The following PDE1C variants were observed in gnomAD, a reference collection of about 807,000 sequenced individuals.
PDE1C encodes phosphodiesterase 1C.
PDE1C carries 62 observed loss-of-function variants against 93.1 expected under a neutral mutation model. The ratio of observed to expected loss-of-function variants is 0.67; its 90% CI spans 0.54 to 0.82. The LOEUF is 0.82. Ranked by LOEUF, PDE1C falls within the 40% of genes least tolerant of loss-of-function variation. The pLI is 0.00. For missense variants in PDE1C, 742 were observed against 884.6 expected (o/e 0.84, Z 2.04); for synonymous variants, 325 against 310.1 (o/e 1.05, Z -0.50).
the PDE1C span, among the ~76,000 whole-genome samples, chr7:31,731,654 C>T: frequency 6.6e-6 from 1 of 152,208 alleles, no homozygotes; most frequent in African/African-American, 2.4e-5. Context: ...TCCCAAAGTA[C>T]TGAGATGACA....
chr7:32,383,458 G>C (rs1390478281), intron 1 of PDE1C, among the ~76,000 whole-genome samples: 4 of 152,088 alleles, frequency 2.6e-5, no homozygotes, highest in Non-Finnish European at 5.9e-5. Context: ...CCACTAATGA[G>C]GTCTCTTCTA....
intron 2 of PDE1C, among the ~76,000 whole-genome samples, chr7:31,955,422 C>G (rs1807992074): frequency 6.6e-6 from 1 of 152,056 alleles, no homozygotes; most frequent in Admixed American, 6.6e-5. Context: ...AAGTTACCCT[C>G]AAATCAAAAC....
intron 2 of PDE1C, among the ~76,000 whole-genome samples, chr7:32,013,344 T>C (rs1348318623): frequency 2.0e-5 from 3 of 152,158 alleles, no homozygotes; most frequent in Admixed American, 6.5e-5. Flanking sequence ...AAAGAAATAG[T>C]ACTTGAACAT....
At chr7:32,044,091 T>A (rs115388105) in intron 2 of PDE1C, among the ~76,000 whole-genome samples, 1,730 of 152,216 alleles carry the variant, frequency 0.011, 44 homozygotes, top group African/African-American at 0.039. Flanking sequence ...CTTAAAAAAA[T>A]CAGTGATGCC....
chr7:32,268,549 T>C (rs772490505), intron 1 of PDE1C, among the ~76,000 whole-genome samples: 29 of 152,278 alleles, frequency 1.9e-4, no homozygotes, highest in Middle Eastern at 3.4e-3. Context: ...CAATAAATAT[T>C]TGTTAACTGA....
chr7:32,420,128 C>T (rs4723156), intron 1 of PDE1C, among the ~76,000 whole-genome samples: 996 of 9,422 alleles, frequency 0.11, 101 homozygotes, highest in Non-Finnish European at 0.14. Flanking sequence ...TATATATACA[C>T]ACACACACAC....
At chr7:31,725,092 C>G in the PDE1C span, among the ~76,000 whole-genome samples, 3 of 152,132 alleles carry the variant, frequency 2.0e-5, no homozygotes, top group Admixed American at 6.5e-5. Flanking sequence ...AAAGTGTAAG[C>G]CTTGCCACCC....
At chr7:32,217,641 G>T (rs1248996334) in intron 1 of PDE1C, among the ~76,000 whole-genome samples, 1 of 152,220 alleles carries the variant, frequency 6.6e-6, no homozygotes, top group Non-Finnish European at 1.5e-5. Flanking sequence ...GCCTGCCATG[G>T]TTGGGGTTGG....
chr7:32,293,127 A>G (rs1354823713), intron 1 of PDE1C, among the ~76,000 whole-genome samples: 1 of 152,060 alleles, frequency 6.6e-6, no homozygotes, highest in African/African-American at 2.4e-5. Context: ...TTGAACAGAC[A>G]CCCACAGGGT....
At chr7:32,137,543 A>G (rs559638230) in intron 3 of PDE1C, among the ~76,000 whole-genome samples, 2 of 152,360 alleles carry the variant, frequency 1.3e-5, no homozygotes, top group East Asian at 1.9e-4. Flanking sequence ...GAATGGTCTC[A>G]TCGCCACCTG....
chr7:32,291,164 A>C (rs1812308842), intron 1 of PDE1C, among the ~76,000 whole-genome samples: 1 of 152,190 alleles, frequency 6.6e-6, no homozygotes, highest in South Asian at 2.1e-4. Context: ...AGAAAAGTTA[A>C]GTAACTTGTC....
At chr7:31,886,054 A>T (rs1797833972) in intron 2 of PDE1C, among the ~76,000 whole-genome samples, 1 of 152,232 alleles carries the variant, frequency 6.6e-6, no homozygotes, top group Non-Finnish European at 1.5e-5. Flanking sequence ...CTGCTGTCTC[A>T]GAAAGGCTTT....
chr7:32,053,390 C>T (rs1419499141), intron 1 of PDE1C, among the ~76,000 whole-genome samples: 1 of 152,210 alleles, frequency 6.6e-6, no homozygotes, highest in Non-Finnish European at 1.5e-5. Flanking sequence ...ACTTTCCAGG[C>T]AGCAGCCAAG....
At chr7:32,010,259 G>A (rs1224324620) in intron 2 of PDE1C, among the ~76,000 whole-genome samples, 5 of 152,202 alleles carry the variant, frequency 3.3e-5, no homozygotes, top group Middle Eastern at 3.2e-3. Context: ...TAAAGCTAAA[G>A]TAAAGAAGGC....
intron 2 of PDE1C, among the ~76,000 whole-genome samples, chr7:32,025,385 G>C (rs936679420): frequency 3.9e-5 from 6 of 152,098 alleles, no homozygotes; most frequent in Non-Finnish European, 8.8e-5. Flanking sequence ...TTGAGGGTAG[G>C]GGGATTAGCA....
chr7:32,240,729 G>C (rs1387175231), intron 1 of PDE1C, among the ~76,000 whole-genome samples: 2 of 152,204 alleles, frequency 1.3e-5, no homozygotes, highest in Non-Finnish European at 2.9e-5. Context: ...AGGGGGTTTG[G>C]AGCAGAGCAG....
chr7:32,052,553 T>A (rs1793535515), intron 1 of PDE1C, among the ~76,000 whole-genome samples: 1 of 152,152 alleles, frequency 6.6e-6, no homozygotes, highest in Non-Finnish European at 1.5e-5. Flanking sequence ...TTGTAGCATA[T>A]CCGGGAAGTA....
intron 1 of PDE1C, among the ~76,000 whole-genome samples, chr7:32,286,620 T>C (rs1313350031): frequency 6.6e-6 from 1 of 152,206 alleles, no homozygotes; most frequent in Non-Finnish European, 1.5e-5. Flanking sequence ...TTAGGGAAGC[T>C]GATACAAACA....
chr7:32,362,269 G>A (rs988113876), intron 1 of PDE1C, among the ~76,000 whole-genome samples: 6 of 152,062 alleles, frequency 3.9e-5, no homozygotes, highest in African/African-American at 1.2e-4. Context: ...GGGTGTGGGT[G>A]TATATAAGAG....
Sources: gnomAD v4.1 joint callset for allele counts (sites outside exome capture counted in the v4.1 genomes callset) on GRCh38, gnomAD v4.1.1 for gene constraint, MANE v1.5 for transcripts, NCBI Gene and HGNC (gene_info 2026-07-23, HGNC 2026-07-21) for gene names.